DRC10: variants seen among roughly 807,000 people sequenced by gnomAD.
The protein encoded by DRC10 is dynein regulatory complex subunit 10.
At chr12:113,216,027 T>G in the DRC10 span, among the ~76,000 whole-genome samples, 1 of 152,010 alleles carries the variant, frequency 6.6e-6, no homozygotes, top group Non-Finnish European at 1.5e-5. Context: ...CCCAAAGGAG[T>G]TGAAAACTCA....
the DRC10 span, among the ~76,000 whole-genome samples, chr12:113,205,068 T>C: frequency 2.7e-4 from 41 of 152,256 alleles, no homozygotes; most frequent in African/African-American, 9.6e-4. Flanking sequence ...AACACTCCCT[T>C]TGAGAAGTAC....
At chr12:113,213,486 C>A in the DRC10 span, among the ~76,000 whole-genome samples, 1 of 152,174 alleles carries the variant, frequency 6.6e-6, no homozygotes, top group Non-Finnish European at 1.5e-5. Flanking sequence ...ATGCTATATA[C>A]GAATTAATTC....
the DRC10 span, chr12:113,207,155 C>T: frequency 2.3e-6 from 1 of 435,534 alleles, no homozygotes; most frequent in Non-Finnish European, 4.3e-6. Context: ...CTAGACCAGC[C>T]TGGCCAACAT....
chr12:113,197,716 C>A, the DRC10 span: 1 of 732,100 alleles, frequency 1.4e-6, no homozygotes, highest in South Asian at 1.5e-5. Context: ...TGACATGCCT[C>A]GCCTATTGAA....
chr12:113,207,333 G>T, the DRC10 span: 1 of 936,446 alleles, frequency 1.1e-6, no homozygotes, highest in Non-Finnish European at 1.7e-6. Flanking sequence ...GGACAACAGA[G>T]CGAGACTCCA....
the DRC10 span, chr12:113,200,860 C>A: frequency 7.2e-7 from 1 of 1,380,218 alleles, no homozygotes; most frequent in Non-Finnish European, 9.7e-7. Context: ...CATGCCCAGC[C>A]GGGCACAGTG....
At chr12:113,195,721 G>T in the DRC10 span, 1 of 1,613,842 alleles carries the variant, frequency 6.2e-7, no homozygotes, top group South Asian at 1.1e-5. Context: ...GTGGCCGCCC[G>T]TACCATGCGC....
chr12:113,214,099 T>C, the DRC10 span, among the ~76,000 whole-genome samples: 1 of 152,200 alleles, frequency 6.6e-6, no homozygotes, highest in African/African-American at 2.4e-5. Context: ...CTGTATGTTT[T>C]ATCTGAGGCT....
the DRC10 span, chr12:113,207,478 T>C: frequency 5.6e-6 from 9 of 1,613,880 alleles, no homozygotes; most frequent in African/African-American, 4.0e-5. Flanking sequence ...CAATTCCTTT[T>C]CAAGAGTATC....
the DRC10 span, among the ~76,000 whole-genome samples, chr12:113,205,287 C>G: frequency 6.6e-6 from 1 of 151,756 alleles, no homozygotes; most frequent in African/African-American, 2.4e-5. Flanking sequence ...AATCCCAGCA[C>G]TTTGGGAGGC....
At chr12:113,200,687 C>T in the DRC10 span, 2 of 1,536,198 alleles carry the variant, frequency 1.3e-6, no homozygotes, top group Admixed American at 2.0e-5. Context: ...GCCTGTGATG[C>T]CCGGAAATCG....
chr12:113,213,914 A>T, the DRC10 span, among the ~76,000 whole-genome samples: 2 of 152,196 alleles, frequency 1.3e-5, no homozygotes, highest in African/African-American at 4.8e-5. Context: ...ACTGCACTCC[A>T]GCCTGGGTGA....
the DRC10 span, among the ~76,000 whole-genome samples, chr12:113,218,298 A>G: frequency 1.3e-5 from 2 of 148,980 alleles, no homozygotes; most frequent in Non-Finnish European, 3.0e-5. Flanking sequence ...CACCACGCGC[A>G]GCTAATTTTT....
At chr12:113,217,761 G>A in the DRC10 span, among the ~76,000 whole-genome samples, 256 of 152,278 alleles carry the variant, frequency 1.7e-3, no homozygotes, top group Non-Finnish European at 2.9e-3. Flanking sequence ...TGAACTCCCG[G>A]GCTCAAGTAA....
the DRC10 span, chr12:113,207,102 C>G: frequency 5.3e-6 from 2 of 379,474 alleles, no homozygotes; most frequent in Non-Finnish European, 1.0e-5. Flanking sequence ...GTGGCCAGCA[C>G]TTTGGGAGGC....
At chr12:113,213,189 A>C in the DRC10 span, among the ~76,000 whole-genome samples, 66 of 149,342 alleles carry the variant, frequency 4.4e-4, no homozygotes, top group South Asian at 1.0e-3. Flanking sequence ...AAAAAAAAAA[A>C]AAAAAAAAAA....
the DRC10 span, chr12:113,197,702 T>TCAAGCACCTGCCA: frequency 2.5e-6 from 2 of 799,760 alleles, no homozygotes; most frequent in Non-Finnish European, 4.2e-6. Context: ...CTCTGGCAGG[T>TCAAGCACCTGCCA]GCTTGACATG....
chr12:113,199,433 C>T, the DRC10 span, among the ~76,000 whole-genome samples: 1 of 144,290 alleles, frequency 6.9e-6, no homozygotes, highest in Non-Finnish European at 1.5e-5. Context: ...AATAAACCCC[C>T]TAATCCTACA....
At chr12:113,211,226 C>T in the DRC10 span, among the ~76,000 whole-genome samples, 1 of 152,170 alleles carries the variant, frequency 6.6e-6, no homozygotes, top group Admixed American at 6.6e-5. Flanking sequence ...ATACTACAGG[C>T]ACGTGCCACC....
Sources: allele counts gnomAD v4.1 joint callset (sites outside exome capture counted in the v4.1 genomes callset), GRCh38; gene constraint gnomAD v4.1.1; transcripts MANE v1.5; gene names NCBI Gene and HGNC (gene_info 2026-07-23, HGNC 2026-07-21).